The following LIG4 variants were observed in gnomAD, a reference collection of about 807,000 sequenced individuals.
LIG4 encodes the protein DNA ligase 4, also known as DNA joinase.
A neutral mutation model predicts 19.0 loss-of-function variants in LIG4; 13 were observed. The observed-to-expected ratio is 0.68, with a 90% CI of 0.44 to 1.09. The LOEUF (loss-of-function observed/expected upper bound fraction) is 1.09, where lower values mean the gene tolerates loss of function less well. Ranked by LOEUF, LIG4 falls within the 50% of genes least tolerant of loss-of-function variation. The probability of loss-of-function intolerance (pLI) is 0.00; values close to 1 mark genes in which losing one functional copy is unlikely to be tolerated. For missense variants in LIG4, 1,026 were observed against 1,089.7 expected, an observed-to-expected ratio of 0.94 and a Z score of 0.82; for synonymous variants, 361 against 358.2, an observed-to-expected ratio of 1.01 and a Z score of -0.09.
At chr13:108,216,864 A>T (rs1444775521), upstream of LIG4, among the ~76,000 whole-genome samples, 2 of 152,224 alleles carry the variant, frequency 1.3e-5, no homozygotes, top group Non-Finnish European at 2.9e-5. Context: ...CCCAGTCTCC[A>T]TTTCATCATG....
rs771448034 is a variant in LIG4, at chr13:108,210,740, G to T, written c.529C>A (p.Gln177Lys). ...CACTTTTGCTCAAGTGCTGAACTCTGAGTTATAAGTTGAAGAAGGCTCTTT... is the reference window on the plus strand; with the variant it reads ...CACTTTTGCTCAAGTGCTGAACTCTTAGTTATAAGTTGAAGAAGGCTCTTT... Reference protein sequence around the residue: ...IKKSLLQLITQSSALEQKWLI... With the variant: ...IKKSLLQLITKSSALEQKWLI... The change falls in exon 3 of 3, where the codon CAG becomes AAG. Residue 177 changes from glutamine to lysine, a missense_variant. By Grantham distance (53) the Gln-to-Lys change is moderately conservative. This residue lies in a region of LIG4 where 493 missense variants were observed against 544.5 expected (regional missense o/e 0.91). Coordinates refer to ENST00000442234, the MANE Select transcript of LIG4 (RefSeq NM_206937.2). The T allele has an allele frequency of 1.2e-6, 2 of 1,613,924 alleles. No individual in the cohort carries two copies. Among genetic ancestry groups the T allele is most frequent in the Non-Finnish European group, 1.7e-6 (2 of 1,179,980 alleles).
In LIG4 at chr13:108,210,189, C is replaced by G. The variant is rs1282798395; in HGVS notation, c.1080G>C (p.Leu360=). 2.5e-6 allele frequency: 4 copies of G among 1,613,696 alleles called. No homozygotes were observed. The highest frequency in any genetic ancestry group is 3.4e-6 in the Non-Finnish European group (4 of 1,179,842). The part of the protein sequence containing the change: ...DIKRMVEDSD[L]QTCYCVFDVL... ...CATCAAAAACACAATAACAAGTTTG[C>G]AGATCAGAATCCTCTACCATTCTTT... Residue 360 remains leucine (L), a synonymous_variant, in exon 3 of 3, where the codon CTG becomes CTC. Transcript: ENST00000442234.
In LIG4 at chr13:108,215,490, T is replaced by G. The variant is rs1879220799; in HGVS notation, c.-108A>C. ...CACCCCACACCCTTCCCACCTGACG[T>G]CAAGCCTGAAGCTCAGCCGCTAAGC... is the stretch of plus-strand genomic sequence containing the variant. On this transcript the variant is annotated 5_prime_UTR_variant, in exon 1 of 3. Coordinates refer to ENST00000442234, the MANE Select transcript of LIG4 (RefSeq NM_206937.2). The G allele has an allele frequency of 1.0e-5, 1 of 98,780 alleles. No individual in the cohort carries two copies. Among genetic ancestry groups the G allele is most frequent in the Admixed American group, 1.1e-4 (1 of 8,838 alleles). 6.1% of individuals were successfully genotyped at this position (98,780 alleles called of 1,614,324 possible). A position where few individuals can be genotyped will look rare whatever the true frequency, so the allele number is the denominator to read the frequency against.
rs578115401 is a variant in LIG4 at position 108,208,406 on chromosome 13, T to C, written c.*127A>G. On this transcript the variant is annotated 3_prime_UTR_variant, in exon 3 of 3. Transcript: ENST00000442234. The stretch of plus-strand genomic sequence containing the variant: ...AAGTTAAAATTATTGTTTTCCTATA[T>C]GTAATGATACTTTTTAGGCATAGAT... The C allele has an allele frequency of 8.9e-6, 6 of 672,642 alleles. No individual in the cohort carries two copies. Among genetic ancestry groups the C allele is most frequent in the Admixed American group, 8.6e-5 (3 of 34,898 alleles). The allele number at this position is 672,642 out of a possible 1,614,324, so 41.7% of individuals were successfully genotyped here.
intron 2 of LIG4, among the ~76,000 whole-genome samples, chr13:108,214,129 G>A (rs1878955356): frequency 6.6e-6 from 1 of 152,122 alleles, no homozygotes. Flanking sequence ...GACTATGGAA[G>A]GTGATTAAGT....
rs1389519519 is a variant in LIG4 at position 108,211,007 on chromosome 13, T to C, written c.262A>G (p.Met88Val). The change falls in exon 3 of 3, where the codon ATG (methionine) becomes GTG (valine). Residue 88 changes from methionine to valine, a missense_variant. Transcript: ENST00000442234. The stretch of plus-strand genomic sequence containing the variant: ...AACTCAATATAAAGCTTAGCAAGCA[T>C]AGTTTCTTTAATTCCATAGGCCATT... ...ERMAYGIKETMLAKLYIELLN... is the reference protein window; with the variant it reads ...ERMAYGIKETVLAKLYIELLN... The C allele has an allele frequency of 3.1e-6, 5 of 1,603,792 alleles. No homozygotes were observed. The highest frequency in any genetic ancestry group is 3.5e-5 in the Admixed American group (2 of 57,580).
rs189303388 is a variant in LIG4, at chr13:108,211,402, A to G, written c.-28-106T>C. The G allele has an allele frequency of 2.7e-4, 195 of 729,420 alleles. 1 individual carries two copies. In the East Asian group the frequency reaches 5.3e-3, roughly 20 times the overall value. 45.2% of individuals were successfully genotyped at this position (729,420 alleles called of 1,614,324 possible). On this transcript the variant is annotated intron_variant, in intron 2 of 2. Coordinates refer to ENST00000442234, the MANE Select transcript of LIG4 (RefSeq NM_206937.2). Reference sequence around the variant, plus strand: ...ACTGAGATCATAATAAATGTTTATTAATGTTTACTAAAAAAAAGATCAATG... The same window carrying G: ...ACTGAGATCATAATAAATGTTTATTGATGTTTACTAAAAAAAAGATCAATG...
In LIG4 at chr13:108,210,146, TATTATTA is replaced by T; in HGVS notation, c.1116_1122del (p.Asn373LysfsTer3). ...CTCAGAGTCTCATGCCCTAGCTTTT[TATTATTA>T]ACCATCAATACATCAAAAACACAAT... On this transcript the variant is annotated frameshift_variant, in exon 3 of 3. Coordinates refer to ENST00000442234, the MANE Select transcript of LIG4 (RefSeq NM_206937.2). LOFTEE classifies it low-confidence loss of function (END_TRUNC). The T allele has an allele frequency of 6.2e-7, 1 of 1,613,868 alleles. No homozygotes were observed. The highest frequency in any genetic ancestry group is 8.5e-7 in the Non-Finnish European group (1 of 1,179,982).
rs753662872 is a variant in LIG4 at position 108,210,503 on chromosome 13, T to C, written c.766A>G (p.Ile256Val). Reference sequence around the variant, plus strand: ...TTCATATCCTTCTCAATGTGCTCAATATCTGCAATAGCAGCTAGCATTGGT... The same window carrying C: ...TTCATATCCTTCTCAATGTGCTCAACATCTGCAATAGCAGCTAGCATTGGT... ...FKPMLAAIAD[I>V]EHIEKDMKHQ... is the part of the protein sequence containing the mutation. Residue 256 changes from isoleucine to valine, a missense_variant, in exon 3 of 3, where the codon ATT becomes GTT. Coordinates refer to ENST00000442234, the MANE Select transcript of LIG4 (RefSeq NM_206937.2). The C allele has an allele frequency of 1.2e-6, 2 of 1,613,006 alleles. No homozygotes were observed. The highest frequency in any genetic ancestry group is 1.7e-5 in the Admixed American group (1 of 60,024).
chr13:108,215,662 G>A (rs981636599), upstream of LIG4: 2 of 151,132 alleles, frequency 1.3e-5, no homozygotes, highest in African/African-American at 4.9e-5. Flanking sequence ...AGCCCCGTGG[G>A]GCTGCGGAGG....
Position 108,208,758 on chromosome 13 carries a change from C to G in LIG4, c.2511G>C (p.Arg837Ser). 1 of 1,614,174 alleles carries G rather than the reference C, an allele frequency of 6.2e-7. No homozygotes were observed. The highest frequency in any genetic ancestry group is 8.5e-7 in the Non-Finnish European group (1 of 1,180,014). ...NDLSTKNEGTRLAIKALELRF... is the reference protein window; with the variant it reads ...NDLSTKNEGTSLAIKALELRF... The stretch of plus-strand genomic sequence containing the variant: ...GAAGCTCCAAGGCTTTAATAGCTAA[C>G]CTTGTCCCCTCATTTTTGGTACTCA... The change falls in exon 3 of 3, where the codon AGG (arginine) becomes AGC (serine). Residue 837 changes from arginine (R) to serine (S), a missense_variant. By Grantham distance (110) the Arg-to-Ser change is moderately radical. Transcript: ENST00000442234.
Position 108,209,960 on chromosome 13 carries a change from T to C in LIG4, c.1309A>G (p.Ile437Val). ...TCACCTCTTTTGTCTGGCTTGTAGA[T>C]GGATAGAGGTTGTTTTACCATAATT... ...EGIMVKQPLS[I>V]YKPDKRGEGW... Residue 437 changes from isoleucine (I) to valine (V), a missense_variant, in exon 3 of 3, where the codon ATC (isoleucine) becomes GTC (valine). Transcript: ENST00000442234. 6.2e-7 allele frequency: 1 copy of C among 1,613,648 alleles called. No homozygotes were observed. The highest frequency in any genetic ancestry group is 1.1e-5 in the South Asian group (1 of 91,090).
upstream of LIG4, among the ~76,000 whole-genome samples, chr13:108,216,791 G>C (rs1718803143): frequency 6.6e-6 from 1 of 152,116 alleles, no homozygotes; most frequent in South Asian, 2.1e-4. Context: ...GCTGGACTTT[G>C]TATTAGTTAC....
rs766018641 is a variant in LIG4 at position 108,209,680 on chromosome 13, T to C, written c.1589A>G (p.His530Arg). Reference sequence around the variant, plus strand: ...AATGCTGCTTGGTGGAGCTTTTCTATGAAAAGGCTTCCAATACTTGGCCAA... The same window carrying C: ...AATGCTGCTTGGTGGAGCTTTTCTACGAAAAGGCTTCCAATACTTGGCCAA... ...LKLAKYWKPF[H>R]RKAPPSSILC... is the part of the protein sequence containing the mutation. The change falls in exon 3 of 3, where the codon CAT becomes CGT. Residue 530 changes from histidine to arginine, a missense_variant. Coordinates refer to ENST00000442234, the MANE Select transcript of LIG4 (RefSeq NM_206937.2). 1.3e-5 allele frequency: 21 copies of C among 1,614,058 alleles called. No individual in the cohort carries two copies. In the East Asian group the frequency reaches 3.1e-4, roughly 24 times the overall value.
intron 2 of LIG4, among the ~76,000 whole-genome samples, chr13:108,213,083 C>T (rs1878833036): frequency 6.6e-6 from 1 of 152,188 alleles, no homozygotes; most frequent in Admixed American, 6.5e-5. Flanking sequence ...AACCCAGCTT[C>T]TACTGAGTGG....
chr13:108,213,380 T>G (rs1878867408), intron 2 of LIG4, among the ~76,000 whole-genome samples: 1 of 152,238 alleles, frequency 6.6e-6, no homozygotes, highest in Non-Finnish European at 1.5e-5. Flanking sequence ...ATCTATAGAT[T>G]CTACATGGTC....
upstream of LIG4, among the ~76,000 whole-genome samples, chr13:108,217,041 A>G (rs1879335100): frequency 1.3e-5 from 2 of 152,212 alleles, no homozygotes; most frequent in Admixed American, 1.3e-4. Context: ...CCCAGCTTTG[A>G]CCTGGAGCTC....
chr13:108,214,336 G>C (rs975705555), intron 2 of LIG4, among the ~76,000 whole-genome samples: 5 of 152,174 alleles, frequency 3.3e-5, no homozygotes, highest in Non-Finnish European at 7.4e-5. Context: ...AAAGACGCTA[G>C]AAGGGCTTTG....
At chr13:108,212,609 A>C (rs557622320) in intron 2 of LIG4, among the ~76,000 whole-genome samples, 1 of 151,934 alleles carries the variant, frequency 6.6e-6, no homozygotes, top group Non-Finnish European at 1.5e-5. Context: ...GGAGTTGGAG[A>C]AGTTTTGCTG....
Sources: gnomAD v4.1 joint callset for allele counts (sites outside exome capture counted in the v4.1 genomes callset) on GRCh38, gnomAD v4.1.1 for gene constraint, gnomAD v4.1.1 regional missense constraint, MANE v1.5 for transcripts, NCBI Gene and HGNC (gene_info 2026-07-23, HGNC 2026-07-21) for gene names.